Variants in ZNF385D observed in about 807,000 individuals in gnomAD.
The protein encoded by ZNF385D is zinc finger protein 659.
Under a neutral mutation model 35.8 loss-of-function variants are expected in ZNF385D, and 15 were observed. The ratio of observed to expected loss-of-function variants is 0.42; its 90% CI spans 0.28 to 0.64. The LOEUF (loss-of-function observed/expected upper bound fraction) is 0.64, where lower values mean the gene tolerates loss of function less well. ZNF385D is among the 30% of genes least tolerant of loss of function. The pLI is 0.23. For missense variants in ZNF385D, 474 were observed against 494.6 expected (o/e 0.96, Z 0.39); for synonymous variants, 212 against 186.8 (o/e 1.13, Z -1.10).
chr3:21,495,920 G>A (rs575300068), intron 4 of ZNF385D, among the ~76,000 whole-genome samples: 3 of 152,112 alleles, frequency 2.0e-5, no homozygotes, highest in South Asian at 4.1e-4. Flanking sequence ...CTATGAATAC[G>A]TTTATGCACA....
chr3:21,866,322 C>T (rs187891658), intron 3 of ZNF385D, among the ~76,000 whole-genome samples: 30 of 152,084 alleles, frequency 2.0e-4, no homozygotes, highest in Admixed American at 5.2e-4. Context: ...GGCATGGTGG[C>T]GTGCACCTGT....
At chr3:22,107,922 G>T (rs890672077) in intron 3 of ZNF385D, among the ~76,000 whole-genome samples, 1 of 151,814 alleles carries the variant, frequency 6.6e-6, no homozygotes. Flanking sequence ...TGATTAGGCC[G>T]TGAGGACTCC....
intron 2 of ZNF385D, among the ~76,000 whole-genome samples, chr3:21,604,297 T>C (rs56218987): frequency 0.046 from 7,003 of 152,242 alleles, 573 homozygotes; most frequent in African/African-American, 0.16. Context: ...TTCAAAAGTG[T>C]CCTAGAGCTC....
intron 4 of ZNF385D, among the ~76,000 whole-genome samples, chr3:21,500,139 A>C (rs1285118352): frequency 6.6e-6 from 1 of 152,186 alleles, no homozygotes; most frequent in Non-Finnish European, 1.5e-5. Context: ...TCAAACTCTG[A>C]GCTACACTGG....
At chr3:22,221,346 A>G (rs1216335068) in intron 2 of ZNF385D, among the ~76,000 whole-genome samples, 1 of 152,128 alleles carries the variant, frequency 6.6e-6, no homozygotes, top group African/African-American at 2.4e-5. Context: ...CTCAGCTTCA[A>G]AAGTTATCAA....
At chr3:21,717,630 T>G (rs1306381389) in intron 1 of ZNF385D, among the ~76,000 whole-genome samples, 2 of 152,150 alleles carry the variant, frequency 1.3e-5, no homozygotes, top group African/African-American at 2.4e-5. Flanking sequence ...AGGGATCCAG[T>G]GGGAGATAAT....
At chr3:21,829,854 G>C (rs1043554069) in intron 3 of ZNF385D, among the ~76,000 whole-genome samples, 2 of 151,938 alleles carry the variant, frequency 1.3e-5, no homozygotes, top group Admixed American at 1.3e-4. Context: ...GCCTGACATG[G>C]GGCTTACGCC....
rs558048248 is a variant in ZNF385D, at chr3:21,841,118, G to C, written c.326-176090C>G. ...AAAGGCAATGAAGCAAGGACATTCA[G>C]AGCAATGATGGCACCTACTATGTAT... On this transcript the variant is annotated intron_variant, in intron 3 of 5. Transcript: ENST00000494108. Among the ~76,000 whole-genome samples, 5 of 152,152 alleles carry C rather than the reference G, an allele frequency of 3.3e-5. No homozygotes were observed. In the East Asian group the frequency reaches 9.7e-4, roughly 30 times the overall value.
chr3:21,839,906 G>C, intron 3 of ZNF385D, among the ~76,000 whole-genome samples: 1 of 151,952 alleles, frequency 6.6e-6, no homozygotes, highest in East Asian at 1.9e-4. Flanking sequence ...CCTAAAGACC[G>C]AGAGCGCACA....
At chr3:22,342,166 A>C in intron 2 of ZNF385D, among the ~76,000 whole-genome samples, 1 of 150,126 alleles carries the variant, frequency 6.7e-6, no homozygotes, top group African/African-American at 2.5e-5. Context: ...AGACCCAGCT[A>C]CTCGGGAGAC....
chr3:22,282,321 T>G (rs1180149400), intron 2 of ZNF385D, among the ~76,000 whole-genome samples: 1 of 152,070 alleles, frequency 6.6e-6, no homozygotes, highest in African/African-American at 2.4e-5. Flanking sequence ...AATGTGACCT[T>G]AGATTGTCTA....
At chr3:22,000,864 A>T (rs1695796986) in intron 3 of ZNF385D, among the ~76,000 whole-genome samples, 1 of 151,698 alleles carries the variant, frequency 6.6e-6, no homozygotes. Flanking sequence ...GAGGGAATTC[A>T]TTACAATTAG....
intron 3 of ZNF385D, among the ~76,000 whole-genome samples, chr3:21,851,766 G>A (rs532937311): frequency 6.6e-6 from 1 of 152,078 alleles, no homozygotes; most frequent in African/African-American, 2.4e-5. Flanking sequence ...ACTCAACTAT[G>A]AGGCCAGTCA....
intron 2 of ZNF385D, among the ~76,000 whole-genome samples, chr3:22,292,088 G>A (rs991483998): frequency 6.6e-6 from 1 of 151,880 alleles, no homozygotes; most frequent in Non-Finnish European, 1.5e-5. Context: ...TTGAGAGCTG[G>A]ATGAATCTTA....
At chr3:21,794,983 C>T (rs1575662561) in intron 3 of ZNF385D, among the ~76,000 whole-genome samples, 2 of 152,092 alleles carry the variant, frequency 1.3e-5, no homozygotes, top group Non-Finnish European at 1.5e-5. Flanking sequence ...TATAATAAAG[C>T]TTAATATTTT....
chr3:22,235,946 A>G (rs957024275), intron 2 of ZNF385D, among the ~76,000 whole-genome samples: 2 of 152,150 alleles, frequency 1.3e-5, no homozygotes, highest in Non-Finnish European at 2.9e-5. Flanking sequence ...CATGCACTTT[A>G]ACTCATCAGT....
At chr3:22,106,927 A>G (rs1006928165) in intron 3 of ZNF385D, among the ~76,000 whole-genome samples, 2 of 151,630 alleles carry the variant, frequency 1.3e-5, no homozygotes, top group Non-Finnish European at 2.9e-5. Context: ...AGTTATGGTT[A>G]GTTGCTGCTC....
At chr3:21,603,875 A>G (rs558632565) in intron 2 of ZNF385D, among the ~76,000 whole-genome samples, 94 of 152,298 alleles carry the variant, frequency 6.2e-4, no homozygotes, top group African/African-American at 2.1e-3. Flanking sequence ...TTCCCAGCAC[A>G]TGGTAGGGAG....
intron 3 of ZNF385D, among the ~76,000 whole-genome samples, chr3:21,959,765 C>A (rs892651620): frequency 6.6e-6 from 1 of 152,116 alleles, no homozygotes; most frequent in African/African-American, 2.4e-5. Flanking sequence ...AACTGCTCCC[C>A]TCACTCCAAG....
Sources: gnomAD v4.1 joint callset for allele counts (sites outside exome capture counted in the v4.1 genomes callset) on GRCh38, gnomAD v4.1.1 for gene constraint, MANE v1.5 for transcripts, NCBI Gene and HGNC (gene_info 2026-07-23, HGNC 2026-07-21) for gene names.